ANKRD44: variants seen among roughly 807,000 people sequenced by gnomAD.
The protein encoded by ANKRD44 is serine/threonine-protein phosphatase 6 regulatory ankyrin repeat subunit B.
A neutral mutation model predicts 116.0 loss-of-function variants in ANKRD44; 35 were observed. That is an observed-to-expected ratio of 0.30 (90% CI 0.23 to 0.40). ANKRD44 has a LOEUF of 0.40. ANKRD44 is among the 10% of genes least tolerant of loss of function. The pLI is 1.00. For missense variants in ANKRD44, 1,014 were observed against 1,242.6 expected, an observed-to-expected ratio of 0.82 and a Z score of 2.77; for synonymous variants, 435 against 461.8, an observed-to-expected ratio of 0.94 and a Z score of 0.74.
Position 197,256,116 on chromosome 2 carries a change from A to G in ANKRD44, c.27+54462T>C, listed in dbSNP as rs558777446. The stretch of plus-strand genomic sequence containing the variant: ...TAATTTGAGCCTCTTTTCAAAGCTT[A>G]TAGTATCATTGGATTCAAACCATTT... On this transcript the variant is annotated intron_variant, in intron 1 of 27. Transcript: ENST00000282272. 1.1e-4 allele frequency among the ~76,000 whole-genome samples: 17 copies of G among 152,356 alleles called. No homozygotes were observed. The South Asian group carries it at 3.5e-3, about 32-fold the overall frequency.
At chr2:197,163,577 T>A (rs976806976) in intron 2 of ANKRD44, among the ~76,000 whole-genome samples, 1 of 152,218 alleles carries the variant, frequency 6.6e-6, no homozygotes, top group Non-Finnish European at 1.5e-5. Context: ...GAAATCTAGA[T>A]GTTGGAACAG....
intron 19 of ANKRD44, 33 bp from the exon 20 acceptor site, chr2:197,007,956 G>A (rs1213143656): frequency 6.7e-7 from 1 of 1,494,632 alleles, no homozygotes; most frequent in Non-Finnish European, 9.3e-7. Flanking sequence ...CTTTTAAAAA[G>A]GAGATTTAAA....
chr2:197,266,558 G>A (rs569123785), intron 1 of ANKRD44, among the ~76,000 whole-genome samples: 1 of 149,982 alleles, frequency 6.7e-6, no homozygotes, highest in Admixed American at 6.7e-5. Flanking sequence ...TTCTTTACAC[G>A]AACTGAATGA....
chr2:197,170,140 T>C (rs532823980), intron 2 of ANKRD44, among the ~76,000 whole-genome samples: 1 of 144,322 alleles, frequency 6.9e-6, no homozygotes, highest in East Asian at 2.0e-4. Context: ...CAGTGAGCCA[T>C]GATTATTCCA....
chr2:197,168,514 C>T (rs1022037521), intron 2 of ANKRD44, among the ~76,000 whole-genome samples: 1 of 152,140 alleles, frequency 6.6e-6, no homozygotes, highest in African/African-American at 2.4e-5. Context: ...TACCAGCAAA[C>T]AGCCAATTAC....
chr2:197,164,638 G>A (rs1393356327), intron 2 of ANKRD44, among the ~76,000 whole-genome samples: 1 of 152,088 alleles, frequency 6.6e-6, no homozygotes, highest in Non-Finnish European at 1.5e-5. Flanking sequence ...CCCTGCCCCG[G>A]ACCTCAGGTC....
intron 1 of ANKRD44, among the ~76,000 whole-genome samples, chr2:197,265,731 C>G (rs898085824): frequency 6.6e-6 from 1 of 152,080 alleles, no homozygotes; most frequent in Non-Finnish European, 1.5e-5. Context: ...TTAAATGTTA[C>G]CATGAAAATA....
intron 1 of ANKRD44, among the ~76,000 whole-genome samples, chr2:197,205,053 T>C (rs2081176385): frequency 6.6e-6 from 1 of 152,232 alleles, no homozygotes; most frequent in Non-Finnish European, 1.5e-5. Context: ...GGATTCCTGC[T>C]TTGGGTCAGA....
At chr2:197,135,944 C>T (rs1474916547) in intron 4 of ANKRD44, 1 of 153,386 alleles carries the variant, frequency 6.5e-6, no homozygotes, top group Admixed American at 6.5e-5. Flanking sequence ...TACTGGCGCT[C>T]CTCCCTGAGA....
intron 1 of ANKRD44, among the ~76,000 whole-genome samples, chr2:197,235,345 G>A (rs1174993579): frequency 2.0e-5 from 3 of 152,102 alleles, no homozygotes; most frequent in South Asian, 2.1e-4. Flanking sequence ...AGCCAGGCAC[G>A]GTGGCTCACG....
At chr2:197,106,605 T>C (rs1039136810) in intron 9 of ANKRD44, among the ~76,000 whole-genome samples, 1 of 151,778 alleles carries the variant, frequency 6.6e-6, no homozygotes, top group Non-Finnish European at 1.5e-5. Flanking sequence ...CTGGCTAACA[T>C]GGTGAAAGCC....
chr2:197,030,672 C>T (rs561671514), intron 16 of ANKRD44, among the ~76,000 whole-genome samples: 25 of 152,208 alleles, frequency 1.6e-4, no homozygotes, highest in Non-Finnish European at 2.9e-4. Flanking sequence ...CACCTAAAGG[C>T]CACTCTTTTA....
At chr2:197,140,103 A>C (rs2125404092) in intron 3 of ANKRD44, among the ~76,000 whole-genome samples, 1 of 136,328 alleles carries the variant, frequency 7.3e-6, no homozygotes, top group East Asian at 1.9e-4. Flanking sequence ...GGTGGTCTTG[A>C]ACTCCTGACC....
At chr2:197,084,975 G>T (rs1009434564) in intron 13 of ANKRD44, among the ~76,000 whole-genome samples, 1 of 152,070 alleles carries the variant, frequency 6.6e-6, no homozygotes, top group Admixed American at 6.6e-5. Context: ...ACCTCATAGT[G>T]TTAGTATCAG....
At chr2:197,123,800 G>A (rs1415843729) in intron 6 of ANKRD44, among the ~76,000 whole-genome samples, 1 of 152,082 alleles carries the variant, frequency 6.6e-6, no homozygotes, top group African/African-American at 2.4e-5. Context: ...TGGGGGGAAA[G>A]TATTGGCTTG....
At chr2:196,998,666 A>G (rs1434863670) in intron 24 of ANKRD44, among the ~76,000 whole-genome samples, 1 of 152,110 alleles carries the variant, frequency 6.6e-6, no homozygotes, top group African/African-American at 2.4e-5. Flanking sequence ...CTGTTGTTAC[A>G]CTTGGTTTCT....
intron 17 of ANKRD44, among the ~76,000 whole-genome samples, chr2:197,016,997 T>C (rs2076405073): frequency 1.3e-5 from 2 of 152,122 alleles, no homozygotes; most frequent in South Asian, 2.1e-4. Context: ...GGTCAATAAA[T>C]ATGAGAATAT....
intron 16 of ANKRD44, among the ~76,000 whole-genome samples, chr2:197,071,029 C>T (rs2077547806): frequency 6.6e-6 from 1 of 152,056 alleles, no homozygotes; most frequent in African/African-American, 2.4e-5. Context: ...CATAATATTC[C>T]TTTATCCTTT....
chr2:197,042,788 T>A (rs2076934910), intron 16 of ANKRD44, among the ~76,000 whole-genome samples: 1 of 152,210 alleles, frequency 6.6e-6, no homozygotes, highest in Admixed American at 6.5e-5. Context: ...TGAAAGTGAA[T>A]CATGTTCAGC....
Sources: allele counts gnomAD v4.1 joint callset (sites outside exome capture counted in the v4.1 genomes callset), GRCh38; gene constraint gnomAD v4.1.1; transcripts MANE v1.5; gene names NCBI Gene and HGNC (gene_info 2026-07-23, HGNC 2026-07-21).